KIF11: variants seen among roughly 807,000 people sequenced by gnomAD.
The protein encoded by KIF11 is kinesin-like protein KIF11.
A neutral mutation model predicts 121.0 loss-of-function variants in KIF11; 9 were observed. The observed-to-expected ratio is 0.07, with a 90% CI of 0.04 to 0.13. KIF11 has a LOEUF of 0.13. Among genes scored for constraint, KIF11 ranks in the 10% least tolerant of loss-of-function variants. KIF11 has a pLI of 1.00. For synonymous variants in KIF11, 408 were observed against 421.0 expected (o/e 0.97, Z 0.38); for missense variants, 846 against 1,217.5 (o/e 0.69, Z 4.54).
At chr10:92,598,404 T>C (rs2135895633) in intron 1 of KIF11, among the ~76,000 whole-genome samples, 1 of 152,346 alleles carries the variant, frequency 6.6e-6, no homozygotes, top group Non-Finnish European at 1.5e-5. Context: ...CATTTGCTCA[T>C]ATGTAAGAGG....
chr10:92,609,580 A>AATTGGGGTG, intron 6 of KIF11, 71 bp downstream of exon 6: 1 of 1,492,090 alleles, frequency 6.7e-7, no homozygotes. Flanking sequence ...GAGAAAGTCA[A>AATTGGGGTG]ATTGGGGTGG....
At chr10:92,594,618 C>G (rs1016650938) in intron 1 of KIF11, among the ~76,000 whole-genome samples, 1 of 152,066 alleles carries the variant, frequency 6.6e-6, no homozygotes, top group Non-Finnish European at 1.5e-5. Context: ...TTCAGACTTA[C>G]AAAAAGTTAT....
At chr10:92,642,947 T>C (rs1844880473) in intron 17 of KIF11, among the ~76,000 whole-genome samples, 1 of 152,272 alleles carries the variant, frequency 6.6e-6, no homozygotes, top group African/African-American at 2.4e-5. Context: ...AGTCTTGCTC[T>C]GTGGCCCAGG....
intron 1 of KIF11, among the ~76,000 whole-genome samples, chr10:92,605,568 C>T (rs1844421259): frequency 6.7e-6 from 1 of 150,020 alleles, no homozygotes; most frequent in Non-Finnish European, 1.5e-5. Context: ...CTCACCGCAA[C>T]CTCCACCTCC....
At chr10:92,597,526 A>G (rs1251802398) in intron 1 of KIF11, among the ~76,000 whole-genome samples, 1 of 152,000 alleles carries the variant, frequency 6.6e-6, no homozygotes, top group African/African-American at 2.4e-5. Context: ...TGGCCTCCCA[A>G]AGTGCTGGGA....
chr10:92,607,573 C>G (rs186957987), intron 4 of KIF11, among the ~76,000 whole-genome samples: 386 of 152,206 alleles, frequency 2.5e-3, no homozygotes, highest in Non-Finnish European at 4.2e-3. Flanking sequence ...AGGAATGGGT[C>G]TCAGAAAGTT....
chr10:92,623,020 C>A (rs1251854597), intron 10 of KIF11, among the ~76,000 whole-genome samples: 1 of 152,170 alleles, frequency 6.6e-6, no homozygotes, highest in East Asian at 1.9e-4. Context: ...CCCATCAGGT[C>A]CCTCCTCCAA....
chr10:92,647,768 A>C (rs1266516766), intron 18 of KIF11, among the ~76,000 whole-genome samples: 1 of 152,152 alleles, frequency 6.6e-6, no homozygotes, highest in Non-Finnish European at 1.5e-5. Flanking sequence ...TGGGTAATGA[A>C]TACAAGGGAG....
chr10:92,653,009 A>G (rs1845004268), intron 21 of KIF11, among the ~76,000 whole-genome samples: 1 of 152,252 alleles, frequency 6.6e-6, no homozygotes, highest in Admixed American at 6.5e-5. Flanking sequence ...TTCCAATGAA[A>G]TAGAACTTCC....
At chr10:92,650,975 T>C (rs918172346) in intron 21 of KIF11, among the ~76,000 whole-genome samples, 1 of 152,088 alleles carries the variant, frequency 6.6e-6, no homozygotes, top group Non-Finnish European at 1.5e-5. Flanking sequence ...TGTTGCCCCA[T>C]GTTTCCTGAG....
At chr10:92,636,839 C>T (rs1036929986) in intron 14 of KIF11, among the ~76,000 whole-genome samples, 1 of 151,654 alleles carries the variant, frequency 6.6e-6, no homozygotes, top group South Asian at 2.1e-4. Context: ...TCCAGACCAG[C>T]CTGGCCAACA....
chr10:92,637,461 T>C lies in KIF11; in HGVS notation c.2076T>C (p.Asn692=). Residue 692 remains asparagine, a synonymous_variant, in exon 16 of 22, where the codon AAT becomes AAC. Transcript: ENST00000260731. ...ACAATCTACATGAACTACAAGAAAA[T>C]ACCATTTGTTCCTTGGTTGAGTCAC... is the stretch of plus-strand genomic sequence containing the variant. The part of the protein sequence containing the change: ...LCNNLHELQE[N]TICSLVESQK... 6.2e-7 allele frequency: 1 copy of C among 1,607,070 alleles called. No homozygotes were observed. Among genetic ancestry groups the C allele is most frequent in the Non-Finnish European group, 8.5e-7 (1 of 1,178,544 alleles).
intron 12 of KIF11, among the ~76,000 whole-genome samples, chr10:92,630,962 G>T (rs1844732424): frequency 6.6e-6 from 1 of 151,446 alleles, no homozygotes; most frequent in East Asian, 1.9e-4. Flanking sequence ...TCTTTGTGGG[G>T]ATGATTGAAC....
chr10:92,637,498 G>A lies in KIF11; in HGVS notation c.2113G>A (p.Gly705Arg). The A allele has an allele frequency of 6.2e-7, 1 of 1,607,004 alleles. No homozygotes were observed. The highest frequency in any genetic ancestry group is 8.5e-7 in the Non-Finnish European group (1 of 1,178,500). Residue 705 changes from glycine to arginine, a missense_variant, in exon 16 of 22, where the codon GGA becomes AGA. Transcript: ENST00000260731. ...CTTGGTTGAGTCACAAAAGCAATGT[G>A]GAAACCTAACTGAAGACCTGAAGAC... ...CSLVESQKQC[G>R]NLTEDLKTIK... is the part of the protein sequence containing the mutation.
In KIF11 at chr10:92,613,341, T is replaced by C. The variant is rs114503773; in HGVS notation, c.790-36T>C. The C allele has an allele frequency of 6.4e-4, 926 of 1,451,624 alleles. 4 individuals are homozygous for C. In the African/African-American group the frequency reaches 0.012, roughly 19 times the overall value. 89.9% of individuals were successfully genotyped at this position (1,451,624 alleles called of 1,614,324 possible). Reference sequence around the variant, plus strand: ...TGAAAGTCTTTGAATCCAAATCCAATAGACTCACTTTTTATTTTTATTTTT... The same window carrying C: ...TGAAAGTCTTTGAATCCAAATCCAACAGACTCACTTTTTATTTTTATTTTT... On this transcript the variant is annotated intron_variant, in intron 7 of 21. Transcript: ENST00000260731. The surrounding 1 kb of genome is among the most constrained non-coding windows in gnomAD (Gnocchi z 4.2).
intron 16 of KIF11, 51 bp from the exon 17 acceptor site, chr10:92,639,743 G>C (rs771563969): frequency 4.1e-6 from 4 of 973,844 alleles, no homozygotes; most frequent in South Asian, 1.4e-5. Context: ...CATAAAAAAT[G>C]TTCAAGTGTC....
At chr10:92,602,852 G>C (rs1844387871) in intron 1 of KIF11, among the ~76,000 whole-genome samples, 2 of 143,372 alleles carry the variant, frequency 1.4e-5, no homozygotes, top group South Asian at 4.4e-4. Flanking sequence ...GTGTGTGTGT[G>C]TGTGGTTTTT....
chr10:92,594,683 C>A (rs899727425), intron 1 of KIF11, among the ~76,000 whole-genome samples: 3 of 152,082 alleles, frequency 2.0e-5, no homozygotes, highest in Admixed American at 1.3e-4. Context: ...AGAAACAAAA[C>A]AATCATTGCT....
Position 92,613,975 on chromosome 10 carries a change from C to CAA in KIF11, c.1032+367_1032+368dup, listed in dbSNP as rs781153528. Among the ~76,000 whole-genome samples, 130 of 86,126 alleles carry CAA rather than the reference C, an allele frequency of 1.5e-3. 3 individuals are homozygous for CAA. The Admixed American group carries it at 0.017, about 11-fold the overall frequency. The allele number at this position is 86,126 out of a possible 152,430, so 56.5% of individuals were successfully genotyped here. ...TGGGTGGCAGAGGGAGACCCCATCTCAAAAAAAAAAAAGTATGTGTATAAA... is the reference window on the plus strand; with the variant it reads ...TGGGTGGCAGAGGGAGACCCCATCTCAAAAAAAAAAAAAAGTATGTGTATAAA... On this transcript the variant is annotated intron_variant, in intron 8 of 21. Transcript: ENST00000260731. This position sits in a 1 kb window ranked among gnomAD's most constrained non-coding sequence, Gnocchi z 4.2.
Sources: allele counts gnomAD v4.1 joint callset (sites outside exome capture counted in the v4.1 genomes callset), GRCh38; gene constraint gnomAD v4.1.1; non-coding constraint Gnocchi (gnomAD v3.1); transcripts MANE v1.5; gene names NCBI Gene and HGNC (gene_info 2026-07-23, HGNC 2026-07-21).